CACNA1E: variants seen among roughly 807,000 people sequenced by gnomAD.
CACNA1E encodes voltage-dependent R-type calcium channel subunit alpha-1E.
A neutral mutation model predicts 259.2 loss-of-function variants in CACNA1E; 40 were observed. That is an observed-to-expected ratio of 0.15 (90% CI 0.12 to 0.20). The LOEUF (loss-of-function observed/expected upper bound fraction) is 0.20. Among genes scored for constraint, CACNA1E ranks in the 10% least tolerant of loss-of-function variants. The pLI is 1.00. For missense variants in CACNA1E, 1,874 were observed against 3,040.1 expected, an observed-to-expected ratio of 0.62 and a Z score of 9.02; for synonymous variants, 1,104 against 1,138.5, an observed-to-expected ratio of 0.97 and a Z score of 0.61.
chr1:181,455,973 T>G (rs1016218801), intron 2 of CACNA1E, among the ~76,000 whole-genome samples: 1 of 152,174 alleles, frequency 6.6e-6, no homozygotes, highest in Admixed American at 6.5e-5. Flanking sequence ...CCTGTGGGAC[T>G]GAGGTTCGGA....
At chr1:181,785,157 C>T (rs1405429611) in intron 41 of CACNA1E, among the ~76,000 whole-genome samples, 161 bp from the exon 42 acceptor site, 1 of 152,140 alleles carries the variant, frequency 6.6e-6, no homozygotes, top group Non-Finnish European at 1.5e-5. Flanking sequence ...CACTCTGCAT[C>T]CTCAGATCCT....
intron 6 of CACNA1E, among the ~76,000 whole-genome samples, chr1:181,591,694 T>C (rs2103025808): frequency 6.6e-6 from 1 of 152,302 alleles, no homozygotes; most frequent in South Asian, 2.1e-4. Context: ...TATAACATAG[T>C]GGTTAGGAAT....
intron 6 of CACNA1E, among the ~76,000 whole-genome samples, chr1:181,596,523 C>T (rs1031623058): frequency 6.7e-6 from 1 of 150,254 alleles, no homozygotes; most frequent in South Asian, 2.1e-4. Flanking sequence ...CAGGGAGTCT[C>T]ATCTCCAGAG....
At chr1:181,327,774 C>A (rs796284888) in intron 1 of CACNA1E, among the ~76,000 whole-genome samples, 2 of 152,360 alleles carry the variant, frequency 1.3e-5, no homozygotes, top group African/African-American at 4.8e-5. Flanking sequence ...ATGCCCCACA[C>A]TCCTGTAGCA....
chr1:181,748,253 A>C (rs1657281637), intron 25 of CACNA1E, among the ~76,000 whole-genome samples: 1 of 152,134 alleles, frequency 6.6e-6, no homozygotes, highest in Non-Finnish European at 1.5e-5. Flanking sequence ...TTAAGATTAG[A>C]GTGTACCATT....
rs79342324 is a variant in CACNA1E, at chr1:181,721,048, T to C, written c.1956+193T>C. Among the ~76,000 whole-genome samples, 1,255 of 152,302 alleles carry C rather than the reference T, an allele frequency of 8.2e-3. 16 individuals carry two copies. Among genetic ancestry groups the C allele is most frequent in the African/African-American group, 0.028 (1,150 of 41,568 alleles). Reference sequence around the variant, plus strand: ...ACTTCTGTGGCTTTGTTCTTACCAATAGTAAGAGAGCTCTGTTGGGACCAT... The same window carrying C: ...ACTTCTGTGGCTTTGTTCTTACCAACAGTAAGAGAGCTCTGTTGGGACCAT... On this transcript the variant is annotated intron_variant, in intron 15 of 47. Coordinates refer to ENST00000367573, the MANE Select transcript of CACNA1E (RefSeq NM_001205293.3).
intron 27 of CACNA1E, among the ~76,000 whole-genome samples, chr1:181,754,625 A>G (rs1224330832): frequency 6.6e-6 from 1 of 152,174 alleles, no homozygotes; most frequent in Non-Finnish European, 1.5e-5. Context: ...TCTTTCCCAC[A>G]TTACTTCTAT....
intron 3 of CACNA1E, among the ~76,000 whole-genome samples, chr1:181,556,425 A>G (rs1004767641): frequency 2.0e-5 from 3 of 152,230 alleles, no homozygotes; most frequent in Non-Finnish European, 4.4e-5. Context: ...GCAAAATTTC[A>G]GGCTCCCTTT....
chr1:181,486,507 C>A (rs1663830384), intron 1 of CACNA1E, among the ~76,000 whole-genome samples: 1 of 152,204 alleles, frequency 6.6e-6, no homozygotes, highest in South Asian at 2.1e-4. Context: ...AAATAACTTC[C>A]CAAGTATCTT....
chr1:181,420,525 A>G (rs1199632191), intron 2 of CACNA1E, among the ~76,000 whole-genome samples: 1 of 152,230 alleles, frequency 6.6e-6, no homozygotes, highest in African/African-American at 2.4e-5. Context: ...GAGCCTCACA[A>G]TGACCTCATG....
intron 3 of CACNA1E, among the ~76,000 whole-genome samples, chr1:181,549,968 A>G (rs1353023631): frequency 6.6e-6 from 1 of 152,164 alleles, no homozygotes. Context: ...AGGGGGTGGT[A>G]GAATCCTGGC....
At chr1:181,487,099 C>T (rs963336575) in intron 1 of CACNA1E, among the ~76,000 whole-genome samples, 7 of 151,250 alleles carry the variant, frequency 4.6e-5, no homozygotes, top group African/African-American at 1.5e-4. Context: ...TTCATATTGA[C>T]ATTTGCACAT....
chr1:181,599,925 A>G (rs1653574521), intron 6 of CACNA1E, among the ~76,000 whole-genome samples: 1 of 152,200 alleles, frequency 6.6e-6, no homozygotes, highest in African/African-American at 2.4e-5. Flanking sequence ...GAACAAGCAA[A>G]ATCAGTCCAC....
chr1:181,438,162 C>T (rs1660215627), intron 2 of CACNA1E, among the ~76,000 whole-genome samples: 2 of 152,260 alleles, frequency 1.3e-5, no homozygotes, highest in South Asian at 4.2e-4. Context: ...AGTCTTGAGC[C>T]CAGTTCAGCC....
chr1:181,431,585 A>G lies in CACNA1E; in HGVS notation c.434+18005A>G, dbSNP rs536335892. Reference sequence around the variant, plus strand: ...GGACCTGGGTGCTTGATGTTACTTAACACAGGTATCATTTCCACTTTTTCC... The same window carrying G: ...GGACCTGGGTGCTTGATGTTACTTAGCACAGGTATCATTTCCACTTTTTCC... On this transcript the variant is annotated intron_variant, in intron 2 of 11. Coordinates refer to the CACNA1E transcript ENST00000524607. Among the ~76,000 whole-genome samples, 8 of 152,280 alleles carry G rather than the reference A, an allele frequency of 5.3e-5. No individual in the cohort carries two copies. In the East Asian group the frequency reaches 1.2e-3, roughly 22 times the overall value.
At chr1:181,633,613 T>A (rs1389481442) in intron 6 of CACNA1E, among the ~76,000 whole-genome samples, 1 of 152,112 alleles carries the variant, frequency 6.6e-6, no homozygotes, top group Non-Finnish European at 1.5e-5. Flanking sequence ...TGCTTTAGCC[T>A]CCTGAGTAGC....
At position 181,732,853 on chromosome 1, in the gene CACNA1E, C is replaced by T. The variant is rs560469774; in HGVS notation, c.2767C>T (p.His923Tyr). 192 of 1,613,768 alleles carry T rather than the reference C, an allele frequency of 1.2e-4. No individual in the cohort carries two copies. In the East Asian group the frequency reaches 4.0e-3, roughly 33 times the overall value. The change falls in exon 20 of 48, where the codon CAT (histidine) becomes TAT (tyrosine). Residue 923 changes from histidine (H) to tyrosine (Y), a missense_variant. By Grantham distance (83) the His-to-Tyr change is moderately conservative (BLOSUM62 2). Transcript: ENST00000367573. This position sits in a 1 kb window ranked among gnomAD's most constrained non-coding sequence, Gnocchi z 5.5. ...CAGGCAGAGCCAACGGCGCAGCCGGCATCGCCGCGTCAGGACAGAAGGCAA... is the reference window on the plus strand; with the variant it reads ...CAGGCAGAGCCAACGGCGCAGCCGGTATCGCCGCGTCAGGACAGAAGGCAA... Reference protein sequence around the residue: ...RHRQSQRRSRHRRVRTEGKES... With the variant: ...RHRQSQRRSRYRRVRTEGKES...
At chr1:181,405,149 G>A (rs565362915) in intron 1 of CACNA1E, among the ~76,000 whole-genome samples, 7 of 152,322 alleles carry the variant, frequency 4.6e-5, no homozygotes, top group South Asian at 4.1e-4. Flanking sequence ...CAGTACCAAC[G>A]TACTCCCTTT....
intron 3 of CACNA1E, among the ~76,000 whole-genome samples, chr1:181,529,264 C>T (rs1232547821): frequency 6.6e-6 from 1 of 152,158 alleles, no homozygotes; most frequent in Non-Finnish European, 1.5e-5. Context: ...GCACAGAAGT[C>T]AAGAATTGAG....
Sources: allele counts gnomAD v4.1 joint callset (sites outside exome capture counted in the v4.1 genomes callset), GRCh38; gene constraint gnomAD v4.1.1; non-coding constraint Gnocchi (gnomAD v3.1); transcripts MANE v1.5; gene names NCBI Gene and HGNC (gene_info 2026-07-23, HGNC 2026-07-21).